BAZ2B: variants seen among roughly 807,000 people sequenced by gnomAD.
The protein encoded by BAZ2B is bromodomain adjacent to zinc finger domain 2B, also known as bromodomain adjacent to zinc finger domain protein 2B.
A neutral mutation model predicts 246.0 loss-of-function variants in BAZ2B; 91 were observed. That is an observed-to-expected ratio of 0.37 (90% CI 0.31 to 0.44). The LOEUF is 0.44. BAZ2B is among the 20% of genes least tolerant of loss of function. BAZ2B has a pLI of 1.00. For missense variants in BAZ2B, 2,332 were observed against 2,533.7 expected (o/e 0.92, Z 1.71); for synonymous variants, 855 against 860.0 (o/e 0.99, Z 0.10).
At chr2:159,357,023 G>A (rs888289308) in intron 27 of BAZ2B, among the ~76,000 whole-genome samples, 1 of 151,996 alleles carries the variant, frequency 6.6e-6, no homozygotes, top group Non-Finnish European at 1.5e-5. Context: ...GAAGAAAAAC[G>A]AACGCAAAAA....
intron 2 of BAZ2B, among the ~76,000 whole-genome samples, chr2:159,506,198 C>T (rs1489508716): frequency 6.6e-6 from 1 of 152,074 alleles, no homozygotes; most frequent in South Asian, 2.1e-4. Context: ...CATGTGACTA[C>T]CTGGGTAAGG....
intron 20 of BAZ2B, chr2:159,392,302 G>A (rs536835289): frequency 6.6e-6 from 1 of 151,900 alleles, no homozygotes; most frequent in South Asian, 2.1e-4. Context: ...CATACCTACT[G>A]TCTAGAATGC....
chr2:159,708,557 ATTTATTTATTTATTTATTTATTTC>A, the BAZ2B span, among the ~76,000 whole-genome samples: 14 of 32,268 alleles, frequency 4.3e-4, no homozygotes, highest in South Asian at 6.8e-3. Flanking sequence ...TTATTTATTT[ATTTATTTATTTATTTATTTATTTC>A]TTTATTTATT....
At chr2:159,645,863 G>A in the BAZ2B span, among the ~76,000 whole-genome samples, 2 of 151,950 alleles carry the variant, frequency 1.3e-5, no homozygotes, top group African/African-American at 2.4e-5. Flanking sequence ...ATAGGGTGTG[G>A]GTCACAGAGA....
At chr2:159,500,702 C>A (rs1577836511) in intron 2 of BAZ2B, among the ~76,000 whole-genome samples, 1 of 151,982 alleles carries the variant, frequency 6.6e-6, no homozygotes, top group Non-Finnish European at 1.5e-5. Context: ...GCCTGTAATC[C>A]CAACACTTTG....
At chr2:159,521,083 C>G (rs902044362) in intron 2 of BAZ2B, among the ~76,000 whole-genome samples, 7 of 151,938 alleles carry the variant, frequency 4.6e-5, no homozygotes, top group African/African-American at 1.2e-4. Context: ...CACTCCCTTA[C>G]CATAATTTCC....
intron 20 of BAZ2B, among the ~76,000 whole-genome samples, chr2:159,392,594 C>G (rs554190964): frequency 1.4e-4 from 22 of 152,064 alleles, no homozygotes; most frequent in Admixed American, 5.9e-4. Context: ...ATGAGTTTAT[C>G]TTTCTCTTTG....
intron 2 of BAZ2B, among the ~76,000 whole-genome samples, chr2:159,548,785 C>A (rs2087721354): frequency 6.6e-6 from 1 of 151,988 alleles, no homozygotes; most frequent in South Asian, 2.1e-4. Flanking sequence ...GGTGACTGAG[C>A]AAGACCCTGT....
chr2:159,699,073 T>C, the BAZ2B span, among the ~76,000 whole-genome samples: 1 of 152,180 alleles, frequency 6.6e-6, no homozygotes, highest in Non-Finnish European at 1.5e-5. Context: ...ATACCAGAAG[T>C]AGCATGTGGT....
rs971004747 is a variant in BAZ2B at position 159,433,566 on chromosome 2, GT to G, written c.1294-204del. The G allele has an allele frequency of 3.1e-5, 14 of 455,224 alleles. No individual in the cohort carries two copies. In the Admixed American group the frequency reaches 4.3e-4, roughly 14 times the overall value. 28.2% of individuals were successfully genotyped at this position (455,224 alleles called of 1,614,324 possible). On this transcript the variant is annotated intron_variant, in intron 8 of 36. Transcript: ENST00000392783. ...GCTCTAATTTATTAAAATTTATTTAGTTTTTCCCCATTAAAAATTATATGCC... is the reference window on the plus strand; with the variant it reads ...GCTCTAATTTATTAAAATTTATTTAGTTTTCCCCATTAAAAATTATATGCC...
At chr2:159,579,926 A>G (rs1449988538) in intron 1 of BAZ2B, among the ~76,000 whole-genome samples, 1 of 152,214 alleles carries the variant, frequency 6.6e-6, no homozygotes, top group East Asian at 1.9e-4. Context: ...TCTCAAAATA[A>G]TAAGAGATAT....
chr2:159,385,119 T>C (rs967410425), intron 23 of BAZ2B, 36 bp downstream of exon 23: 7 of 1,561,486 alleles, frequency 4.5e-6, no homozygotes, highest in South Asian at 1.2e-5. Context: ...AAATTCAAAA[T>C]GGAAAAATCA....
rs543000049 is a variant in BAZ2B, at chr2:159,407,580, C to T, written c.2678-2466G>A. On this transcript the variant is annotated intron_variant, in intron 14 of 36. Transcript: ENST00000392783. ...TTTAGCTAAGAACGTAACCATATGT[C>T]CTCATAACAGCTGAAGTGAAGTTGG... is the stretch of plus-strand genomic sequence containing the variant. Among the ~76,000 whole-genome samples the T allele has an allele frequency of 1.8e-4, 27 of 152,266 alleles. 2 individuals are homozygous for T. In the South Asian group the frequency reaches 5.2e-3, roughly 29 times the overall value.
chr2:159,600,737 T>C (rs1197072823), intron 1 of BAZ2B, among the ~76,000 whole-genome samples: 2 of 152,076 alleles, frequency 1.3e-5, no homozygotes, highest in Non-Finnish European at 2.9e-5. Context: ...CCCATAACTT[T>C]CATAGTTGCC....
chr2:159,425,162 T>G (rs1232314417), intron 13 of BAZ2B, among the ~76,000 whole-genome samples: 1 of 152,190 alleles, frequency 6.6e-6, no homozygotes, highest in Non-Finnish European at 1.5e-5. Flanking sequence ...TATTTAGTTT[T>G]AAAAGACAGG....
At chr2:159,625,434 CGGGTT>C in the BAZ2B span, among the ~76,000 whole-genome samples, 2 of 152,230 alleles carry the variant, frequency 1.3e-5, no homozygotes, top group Middle Eastern at 3.4e-3. Context: ...ACAGAAAGGT[CGGGTT>C]ACCCACAAAG....
At chr2:159,670,481 C>A in the BAZ2B span, among the ~76,000 whole-genome samples, 9 of 152,010 alleles carry the variant, frequency 5.9e-5, no homozygotes, top group Non-Finnish European at 2.9e-5. Flanking sequence ...CATATAGGTC[C>A]CTTTAATCAC....
the BAZ2B span, among the ~76,000 whole-genome samples, chr2:159,652,945 ATT>A: frequency 1.6e-4 from 24 of 149,268 alleles, no homozygotes; most frequent in African/African-American, 4.4e-4. Flanking sequence ...TTTTATTTTT[ATT>A]TTTTTTTTGA....
chr2:159,634,701 T>C, the BAZ2B span, among the ~76,000 whole-genome samples: 1 of 152,198 alleles, frequency 6.6e-6, no homozygotes. Flanking sequence ...TTTAGTTTCT[T>C]CTCCACCTTT....
Sources: gnomAD v4.1 joint callset for allele counts (sites outside exome capture counted in the v4.1 genomes callset) on GRCh38, gnomAD v4.1.1 for gene constraint, MANE v1.5 for transcripts, NCBI Gene and HGNC (gene_info 2026-07-23, HGNC 2026-07-21) for gene names.